HCRTR2: variants seen among roughly 807,000 people sequenced by gnomAD.
The protein encoded by HCRTR2 is hypocretin receptor 2.
In HCRTR2, 22 loss-of-function variants were observed where a neutral mutation model predicts 49.0. The ratio of observed to expected loss-of-function variants is 0.45; its 90% CI spans 0.32 to 0.64. The LOEUF (loss-of-function observed/expected upper bound fraction) is 0.64. Among genes scored for constraint, HCRTR2 ranks in the 30% least tolerant of loss-of-function variants. The pLI, the probability that HCRTR2 is intolerant of heterozygous loss-of-function variation, is 0.04. For missense variants in HCRTR2, 491 were observed against 559.4 expected (o/e 0.88, Z 1.23); for synonymous variants, 236 against 205.3 (o/e 1.15, Z -1.28).
At chr6:55,208,431 G>A (rs1765642341) in intron 1 of HCRTR2, among the ~76,000 whole-genome samples, 1 of 151,772 alleles carries the variant, frequency 6.6e-6, no homozygotes, top group Non-Finnish European at 1.5e-5. Flanking sequence ...GGTGGAGGTT[G>A]CAGTGAGCCA....
chr6:55,250,768 G>A (rs1022033765), intron 2 of HCRTR2, among the ~76,000 whole-genome samples: 2 of 152,056 alleles, frequency 1.3e-5, no homozygotes, highest in Non-Finnish European at 2.9e-5. Flanking sequence ...TACAGTTCAA[G>A]GAATATCCTC....
chr6:55,284,466 G>T (rs894623804), downstream of HCRTR2, among the ~76,000 whole-genome samples: 26 of 152,196 alleles, frequency 1.7e-4, no homozygotes, highest in South Asian at 5.4e-3. Context: ...AGCACTACAG[G>T]TGTTTCTGAA....
Position 55,255,495 on chromosome 6 carries a change from A to G in HCRTR2, c.646+116A>G, listed in dbSNP as rs993005166. 14 of 1,247,668 alleles carry G rather than the reference A, an allele frequency of 1.1e-5. No homozygotes were observed. The Admixed American group carries it at 2.5e-4, about 23-fold the overall frequency. 77.3% of individuals were successfully genotyped at this position (1,247,668 alleles called of 1,614,324 possible). ...ATATTTTATTGACATTTGTGAATAC[A>G]GTTTTGCAAGAGCATGAAAACCAAC... On this transcript the variant is annotated intron_variant, in intron 3 of 6. Transcript: ENST00000370862.
At chr6:55,255,435 T>C in intron 3 of HCRTR2, 56 bp downstream of exon 3, 3 of 1,594,902 alleles carry the variant, frequency 1.9e-6, no homozygotes, top group Non-Finnish European at 2.6e-6. Flanking sequence ...AAATTGAAAA[T>C]TGGATTAGCA....
intron 1 of HCRTR2, among the ~76,000 whole-genome samples, chr6:55,121,271 T>G (rs150183688): frequency 0.033 from 5,027 of 152,170 alleles, 284 homozygotes; most frequent in African/African-American, 0.11. Flanking sequence ...TTTGGCTCTC[T>G]GTTTGTCTGT....
intron 1 of HCRTR2, among the ~76,000 whole-genome samples, chr6:55,240,512 T>A (rs9367625): frequency 0.17 from 26,268 of 152,044 alleles, 2,746 homozygotes; most frequent in Non-Finnish European, 0.24. Flanking sequence ...ATGTAGTTCT[T>A]CTGAGACGGA....
At chr6:55,172,377 AGTTT>A (rs1764963673), upstream of HCRTR2, among the ~76,000 whole-genome samples, 1 of 151,830 alleles carries the variant, frequency 6.6e-6, no homozygotes, top group Non-Finnish European at 1.5e-5. Context: ...TGTATTTGTT[AGTTT>A]GTTTTTTTTT....
At chr6:55,208,049 T>C (rs548802475) in intron 1 of HCRTR2, among the ~76,000 whole-genome samples, 6 of 152,268 alleles carry the variant, frequency 3.9e-5, no homozygotes, top group Non-Finnish European at 8.8e-5. Flanking sequence ...GACTTGAGAT[T>C]TATATTTGGA....
chr6:55,280,543 A>T, intron 6 of HCRTR2, 99 bp downstream of exon 6: 1 of 1,530,888 alleles, frequency 6.5e-7, no homozygotes, highest in Non-Finnish European at 8.9e-7. Context: ...TTGCTATGTG[A>T]GTTGTATTTT....
chr6:55,171,646 T>C (rs13198993), upstream of HCRTR2, among the ~76,000 whole-genome samples: 26,404 of 152,130 alleles, frequency 0.17, 2,594 homozygotes, highest in Non-Finnish European at 0.23. Flanking sequence ...AGAGAAATCA[T>C]AGATAGAAGG....
At chr6:55,230,987 G>T (rs1766104309) in intron 1 of HCRTR2, among the ~76,000 whole-genome samples, 2 of 152,062 alleles carry the variant, frequency 1.3e-5, no homozygotes, top group Admixed American at 1.3e-4. Flanking sequence ...AGCCAAGTTA[G>T]TTGGTACTTC....
intron 1 of HCRTR2, among the ~76,000 whole-genome samples, chr6:55,145,984 A>G (rs998443688): frequency 6.6e-6 from 1 of 151,842 alleles, no homozygotes; most frequent in Non-Finnish European, 1.5e-5. Context: ...CTGTGATAGC[A>G]CTTTGTTTTC....
intron 1 of HCRTR2, among the ~76,000 whole-genome samples, chr6:55,214,740 G>A (rs35676343): frequency 0.046 from 6,916 of 151,994 alleles, 258 homozygotes; most frequent in Non-Finnish European, 0.075. Context: ...GTAACTATAA[G>A]TAAAGAGATA....
At chr6:55,155,097 T>A (rs950278211) in intron 1 of HCRTR2, among the ~76,000 whole-genome samples, 3 of 151,798 alleles carry the variant, frequency 2.0e-5, no homozygotes, top group Non-Finnish European at 2.9e-5. Flanking sequence ...AAATGGAAGA[T>A]ATTCCATGCC....
intron 1 of HCRTR2, among the ~76,000 whole-genome samples, chr6:55,245,739 A>G (rs972367907): frequency 5.9e-5 from 9 of 151,714 alleles, no homozygotes; most frequent in African/African-American, 2.2e-4. Flanking sequence ...TAAGTTTCAC[A>G]TGATGGATTC....
intron 1 of HCRTR2, among the ~76,000 whole-genome samples, chr6:55,222,516 T>C (rs770636355): frequency 1.2e-4 from 18 of 152,136 alleles, no homozygotes; most frequent in African/African-American, 4.8e-5. Context: ...TTTACAATAG[T>C]CAAGAGGTGG....
intron 3 of HCRTR2, among the ~76,000 whole-genome samples, chr6:55,262,630 A>G (rs531818458): frequency 7.2e-6 from 1 of 138,604 alleles, no homozygotes; most frequent in Admixed American, 7.8e-5. Context: ...AATATACAAT[A>G]TATAAATTTA....
intron 1 of HCRTR2, among the ~76,000 whole-genome samples, chr6:55,208,526 C>T (rs1581830624): frequency 6.6e-6 from 1 of 151,630 alleles, no homozygotes; most frequent in Admixed American, 6.6e-5. Context: ...GAATGAATTG[C>T]TCATAAATGT....
chr6:55,223,572 T>C (rs1185014970), intron 1 of HCRTR2, among the ~76,000 whole-genome samples: 1 of 152,218 alleles, frequency 6.6e-6, no homozygotes, highest in African/African-American at 2.4e-5. Flanking sequence ...TTTATTACTA[T>C]GTATTTGTAA....
Sources: allele counts gnomAD v4.1 joint callset (sites outside exome capture counted in the v4.1 genomes callset), GRCh38; gene constraint gnomAD v4.1.1; transcripts MANE v1.5; gene names NCBI Gene and HGNC (gene_info 2026-07-23, HGNC 2026-07-21).